Variants in ACER3 observed in about 807,000 individuals in gnomAD.
ACER3 encodes the protein alkaline ceramidase 3.
A neutral mutation model predicts 48.9 loss-of-function variants in ACER3; 16 were observed. That is an observed-to-expected ratio of 0.33 (90% CI 0.22 to 0.50). The LOEUF is 0.50. Ranked by LOEUF, ACER3 falls within the 20% of genes least tolerant of loss-of-function variation. The pLI, the probability that ACER3 is intolerant of heterozygous loss-of-function variation, is 0.98. For missense variants in ACER3, 227 were observed against 326.0 expected (o/e 0.70, Z 2.34); for synonymous variants, 109 against 107.8 (o/e 1.01, Z -0.07).
chr11:77,019,902 G>C, intron 10 of ACER3, 126 bp downstream of exon 10: 8 of 951,620 alleles, frequency 8.4e-6, no homozygotes, highest in Non-Finnish European at 9.9e-6. Flanking sequence ...GGAACCAAAG[G>C]CTGTGAATCT....
At chr11:76,992,519 A>G (rs1948824390) in intron 6 of ACER3, among the ~76,000 whole-genome samples, 1 of 152,210 alleles carries the variant, frequency 6.6e-6, no homozygotes, top group South Asian at 2.1e-4. Context: ...TGATAAGAAG[A>G]GAAGCAGGAT....
chr11:76,947,273 A>G (rs920484101), intron 2 of ACER3, among the ~76,000 whole-genome samples: 1 of 152,216 alleles, frequency 6.6e-6, no homozygotes, highest in Non-Finnish European at 1.5e-5. Context: ...AATTTATGAC[A>G]GTTCCCAAGA....
intron 7 of ACER3, among the ~76,000 whole-genome samples, chr11:76,999,146 T>G (rs1465756395): frequency 6.6e-6 from 1 of 152,084 alleles, no homozygotes; most frequent in Non-Finnish European, 1.5e-5. Context: ...AAAAAAATTG[T>G]TTTTGTCTTT....
At position 76,887,049 on chromosome 11, in the gene ACER3, A is replaced by G. The variant is rs553720901; in HGVS notation, c.103+25970A>G. 5.3e-5 allele frequency among the ~76,000 whole-genome samples: 8 copies of G among 152,320 alleles called. No homozygotes were observed. The South Asian group carries it at 1.7e-3, about 32-fold the overall frequency. On this transcript the variant is annotated intron_variant, in intron 1 of 10. Coordinates refer to ENST00000532485, the MANE Select transcript of ACER3 (RefSeq NM_018367.7). ...CAAAATAAATGATGAGAAAAAATAG[A>G]TATAGAATAGCTATAAATCCTGCCT...
At chr11:76,884,456 T>A (rs963170263) in intron 1 of ACER3, among the ~76,000 whole-genome samples, 4 of 152,004 alleles carry the variant, frequency 2.6e-5, no homozygotes, top group Admixed American at 1.3e-4. Context: ...ACAGTAAAAG[T>A]CCCCCAAATC....
At chr11:76,986,848 T>C (rs1051627752) in intron 5 of ACER3, among the ~76,000 whole-genome samples, 1 of 152,120 alleles carries the variant, frequency 6.6e-6, no homozygotes, top group Non-Finnish European at 1.5e-5. Context: ...GTGGATCACC[T>C]TGAGGTCAGG....
At chr11:76,963,201 T>C (rs1470818981) in intron 3 of ACER3, among the ~76,000 whole-genome samples, 1 of 151,304 alleles carries the variant, frequency 6.6e-6, no homozygotes, top group African/African-American at 2.5e-5. Context: ...CCATGGAAAC[T>C]TGCAGAGGGA....
At chr11:76,926,910 C>T (rs1030863704) in intron 2 of ACER3, among the ~76,000 whole-genome samples, 1 of 152,108 alleles carries the variant, frequency 6.6e-6, no homozygotes, top group African/African-American at 2.4e-5. Context: ...CAAATATACC[C>T]ACACATCTTA....
chr11:76,908,833 A>C (rs1422644714), intron 1 of ACER3, among the ~76,000 whole-genome samples: 1 of 152,188 alleles, frequency 6.6e-6, no homozygotes, highest in Non-Finnish European at 1.5e-5. Context: ...AGCAAAAAGA[A>C]CAAAGCTGGA....
intron 2 of ACER3, among the ~76,000 whole-genome samples, chr11:76,934,750 G>T (rs140736549): frequency 9.7e-5 from 14 of 143,740 alleles, no homozygotes; most frequent in Middle Eastern, 3.5e-3. Flanking sequence ...GAGGGAGACC[G>T]TGGGGAGACG....
chr11:76,945,417 T>G (rs1021606206), intron 2 of ACER3, among the ~76,000 whole-genome samples: 2 of 152,214 alleles, frequency 1.3e-5, no homozygotes, highest in African/African-American at 4.8e-5. Context: ...TAGGATGCTT[T>G]GGCTTTGATT....
chr11:76,965,139 C>T (rs557052217), intron 3 of ACER3, among the ~76,000 whole-genome samples: 7 of 151,264 alleles, frequency 4.6e-5, no homozygotes, highest in Non-Finnish European at 8.8e-5. Context: ...CTGAAAACCA[C>T]GGCACGAGAA....
chr11:77,006,135 G>A (rs1482812758), intron 7 of ACER3, among the ~76,000 whole-genome samples: 2 of 150,480 alleles, frequency 1.3e-5, no homozygotes, highest in African/African-American at 4.9e-5. Flanking sequence ...GATTACAGGC[G>A]CTGCCTCCAT....
At chr11:76,976,528 G>A (rs1948447985) in intron 4 of ACER3, among the ~76,000 whole-genome samples, 187 bp downstream of exon 4, 1 of 152,042 alleles carries the variant, frequency 6.6e-6, no homozygotes. Flanking sequence ...ATTAACTTTT[G>A]TGATCTCAAA....
chr11:76,996,427 TTA>T (rs1565219701), intron 6 of ACER3, among the ~76,000 whole-genome samples: 13 of 112,674 alleles, frequency 1.2e-4, no homozygotes, highest in African/African-American at 3.9e-4. Context: ...ATTATTATTA[TTA>T]TTTTTTGAGA....
At position 76,861,214 on chromosome 11, in the gene ACER3, C is replaced by T. The variant is rs538324655; in HGVS notation, c.103+135C>T. The T allele has an allele frequency of 1.2e-5, 10 of 804,942 alleles. No homozygotes were observed. In the African/African-American group the frequency reaches 1.8e-4, roughly 14 times the overall value. 49.9% of individuals were successfully genotyped at this position (804,942 alleles called of 1,614,324 possible). Reference sequence around the variant, plus strand: ...GGCCCCGGGAGCTGGAATGCGGCGCCCTGGGCCAGCGGGAGGCTGAGAGGA... The same window carrying T: ...GGCCCCGGGAGCTGGAATGCGGCGCTCTGGGCCAGCGGGAGGCTGAGAGGA... On this transcript the variant is annotated intron_variant, in intron 1 of 10. Transcript: ENST00000532485.
intron 6 of ACER3, among the ~76,000 whole-genome samples, chr11:76,991,731 G>A (rs1047057986): frequency 1.0e-4 from 15 of 147,392 alleles, no homozygotes; most frequent in African/African-American, 3.2e-4. Flanking sequence ...CAGGAGAATC[G>A]CTTGAACCCA....
intron 7 of ACER3, among the ~76,000 whole-genome samples, chr11:77,004,468 T>C (rs972273986): frequency 1.3e-5 from 2 of 152,230 alleles, no homozygotes; most frequent in African/African-American, 4.8e-5. Flanking sequence ...TGTATCATTG[T>C]TGATTCTCTA....
chr11:76,969,290 A>C (rs1166569745), intron 3 of ACER3, among the ~76,000 whole-genome samples: 1 of 152,190 alleles, frequency 6.6e-6, no homozygotes, highest in Non-Finnish European at 1.5e-5. Flanking sequence ...AAAAGTCAGG[A>C]AACAACACGT....
Sources: gnomAD v4.1 joint callset for allele counts (sites outside exome capture counted in the v4.1 genomes callset) on GRCh38, gnomAD v4.1.1 for gene constraint, MANE v1.5 for transcripts, NCBI Gene and HGNC (gene_info 2026-07-23, HGNC 2026-07-21) for gene names.